The following ESR1 variants were observed in gnomAD, a reference collection of about 807,000 sequenced individuals.
ESR1 encodes the protein estrogen receptor.
ESR1 carries 12 observed loss-of-function variants against 52.7 expected under a neutral mutation model. The observed-to-expected ratio is 0.23, with a 90% CI of 0.15 to 0.37. The LOEUF (loss-of-function observed/expected upper bound fraction) is 0.37, where lower values mean the gene tolerates loss of function less well. Ranked by LOEUF, ESR1 falls within the 10% of genes least tolerant of loss-of-function variation. The pLI, the probability that ESR1 is intolerant of heterozygous loss-of-function variation, is 1.00. For synonymous variants in ESR1, 305 were observed against 316.8 expected, an observed-to-expected ratio of 0.96 and a Z score of 0.39; for missense variants, 584 against 779.7, an observed-to-expected ratio of 0.75 and a Z score of 2.99.
chr6:151,696,782 G>T (rs2061674352), intron 1 of ESR1, among the ~76,000 whole-genome samples: 1 of 152,158 alleles, frequency 6.6e-6, no homozygotes, highest in African/African-American at 2.4e-5. Flanking sequence ...AATGTGAAGA[G>T]TGCTTGCAGA....
At chr6:151,868,273 G>A (rs897658878) in intron 2 of ESR1, among the ~76,000 whole-genome samples, 25 of 151,944 alleles carry the variant, frequency 1.6e-4, no homozygotes, top group Middle Eastern at 3.2e-3. Context: ...GACTACAGGC[G>A]TACACCACCA....
At chr6:151,757,311 A>G (rs1784367496) in intron 2 of ESR1, among the ~76,000 whole-genome samples, 1 of 152,096 alleles carries the variant, frequency 6.6e-6, no homozygotes, top group South Asian at 2.1e-4. Context: ...GAAGACTCTC[A>G]GTTTTATAAC....
chr6:152,019,426 G>A (rs1330023097), intron 5 of ESR1, among the ~76,000 whole-genome samples: 1 of 152,088 alleles, frequency 6.6e-6, no homozygotes, highest in East Asian at 1.9e-4. Context: ...AAGCAATTAA[G>A]CAGCACTGTA....
At chr6:152,034,031 T>C (rs2045018661) in intron 5 of ESR1, among the ~76,000 whole-genome samples, 1 of 151,450 alleles carries the variant, frequency 6.6e-6, no homozygotes, top group South Asian at 2.1e-4. Flanking sequence ...GTGAGCGAAC[T>C]ATCACAAGGA....
At chr6:151,816,982 A>C (rs1457349243) in intron 1 of ESR1, among the ~76,000 whole-genome samples, 10 of 152,192 alleles carry the variant, frequency 6.6e-5, no homozygotes. Flanking sequence ...GCAATCCCAG[A>C]GAGGGAATTA....
chr6:152,085,563 C>T (rs1308645183), intron 6 of ESR1, among the ~76,000 whole-genome samples: 4 of 152,032 alleles, frequency 2.6e-5, no homozygotes, highest in African/African-American at 9.7e-5. Context: ...CATCTTTATT[C>T]ATAGGCTAGC....
chr6:151,865,403 G>T (rs1789701405), intron 2 of ESR1, among the ~76,000 whole-genome samples: 1 of 152,090 alleles, frequency 6.6e-6, no homozygotes, highest in African/African-American at 2.4e-5. Flanking sequence ...TGCATATATT[G>T]TTTCATTGGG....
chr6:151,660,954 C>T (rs9371547), intron 1 of ESR1, among the ~76,000 whole-genome samples: 23,950 of 151,938 alleles, frequency 0.16, 2,792 homozygotes, highest in African/African-American at 0.32. Context: ...ATTAGGGGTT[C>T]GGCTCAGGCA....
intron 5 of ESR1, among the ~76,000 whole-genome samples, chr6:152,040,104 A>G (rs9383961): frequency 0.12 from 17,593 of 152,180 alleles, 1,273 homozygotes; most frequent in East Asian, 0.33. Flanking sequence ...TCAACCTGCC[A>G]CCAAGTAGCT....
chr6:151,835,281 G>T lies in ESR1; in HGVS notation c.453-7316G>T, dbSNP rs1483092790. 2.0e-5 allele frequency among the ~76,000 whole-genome samples: 3 copies of T among 152,154 alleles called. 1 individual carries two copies. Among genetic ancestry groups the T allele is most frequent in the South Asian group, 4.2e-4 (2 of 4,818 alleles). ...GTTTCTTTGGTTTGTTCATGTGGAG[G>T]TGCAGAGTGGGTATTTAGCACATAG... is the stretch of plus-strand genomic sequence containing the variant. On this transcript the variant is annotated intron_variant, in intron 1 of 7. Coordinates refer to ENST00000206249, the MANE Select transcript of ESR1 (RefSeq NM_000125.4).
intron 3 of ESR1, among the ~76,000 whole-genome samples, chr6:151,915,193 C>CAAAAAAAAAAA (rs200034289): frequency 7.7e-6 from 1 of 129,952 alleles, no homozygotes; most frequent in East Asian, 2.2e-4. Flanking sequence ...GATTCCGTCT[C>CAAAAAAAAAAA]AAAAAAAAAA....
rs144303622 is a variant in ESR1 at position 152,003,903 on chromosome 6, G to T, written c.1097-7753G>T. On this transcript the variant is annotated intron_variant, in intron 4 of 7. Transcript: ENST00000206249. ...AAATATACATATTTAGCCATTAAAA[G>T]GTATGTGGTAAACTAAACTGATGAA... 3.5e-4 allele frequency among the ~76,000 whole-genome samples: 53 copies of T among 151,910 alleles called. 1 individual carries two copies. Among genetic ancestry groups the T allele is most frequent in the African/African-American group, 1.2e-3 (50 of 41,492 alleles).
At chr6:151,776,669 C>T (rs1354255132) in intron 2 of ESR1, among the ~76,000 whole-genome samples, 1 of 152,046 alleles carries the variant, frequency 6.6e-6, no homozygotes, top group Non-Finnish European at 1.5e-5. Flanking sequence ...GAAACCATGC[C>T]TCTACTAAAA....
At chr6:151,845,768 G>T (rs1367244344) in intron 2 of ESR1, among the ~76,000 whole-genome samples, 1 of 152,120 alleles carries the variant, frequency 6.6e-6, no homozygotes, top group Admixed American at 6.5e-5. Context: ...TGAGTCCAAA[G>T]TTCTGGAAGA....
chr6:151,789,301 T>G (rs1227051844), intron 2 of ESR1, among the ~76,000 whole-genome samples: 3 of 152,218 alleles, frequency 2.0e-5, no homozygotes, highest in Admixed American at 2.0e-4. Context: ...ATAGTAGAAC[T>G]TCTCTTTACA....
At chr6:151,705,124 AT>A (rs1455064341) in intron 2 of ESR1, among the ~76,000 whole-genome samples, 1 of 152,050 alleles carries the variant, frequency 6.6e-6, no homozygotes, top group Non-Finnish European at 1.5e-5. Context: ...ATAAGAGCAC[AT>A]TTTTCCTGCC....
intron 2 of ESR1, among the ~76,000 whole-genome samples, chr6:151,856,887 G>T (rs531425057): frequency 7.6e-4 from 115 of 152,206 alleles, no homozygotes; most frequent in African/African-American, 2.5e-3. Context: ...GACCAAGTAA[G>T]GGCATCAGTG....
chr6:151,781,217 G>A (rs655890), intron 2 of ESR1, among the ~76,000 whole-genome samples: 61,162 of 152,108 alleles, frequency 0.4, 12,369 homozygotes, highest in Middle Eastern at 0.43. Flanking sequence ...TTGAGACTGG[G>A]TAATTTATAT....
intron 4 of ESR1, among the ~76,000 whole-genome samples, chr6:151,950,216 G>C (rs2128553375): frequency 6.6e-6 from 1 of 152,216 alleles, no homozygotes; most frequent in Middle Eastern, 3.4e-3. Context: ...GCCTACTCTG[G>C]GATGTGTCTT....
Sources: gnomAD v4.1 joint callset for allele counts (sites outside exome capture counted in the v4.1 genomes callset) on GRCh38, gnomAD v4.1.1 for gene constraint, MANE v1.5 for transcripts, NCBI Gene and HGNC (gene_info 2026-07-23, HGNC 2026-07-21) for gene names.